Variants in GRIN2A observed in about 807,000 individuals in gnomAD.
The protein encoded by GRIN2A is glutamate ionotropic receptor NMDA type subunit 2A.
In GRIN2A, 22 loss-of-function variants were observed where a neutral mutation model predicts 113.4. That is an observed-to-expected ratio of 0.19 (90% CI 0.14 to 0.28). GRIN2A has a LOEUF of 0.28. Among genes scored for constraint, GRIN2A ranks in the 10% least tolerant of loss-of-function variants. GRIN2A has a pLI of 1.00. For synonymous variants in GRIN2A, 827 were observed against 738.4 expected (o/e 1.12, Z -1.94); for missense variants, 1,502 against 1,887.0 (o/e 0.80, Z 3.78).
In GRIN2A at chr16:9,756,243, A is replaced by C. The variant is rs17791953; in HGVS notation, c.*6906T>G. On this transcript the variant is annotated 3_prime_UTR_variant, in exon 13 of 13. Transcript: ENST00000330684. ...TGAGACATTAGGAAAGAGATATTTAAGATTAGGCACATGCTAAGTAGAGAA... is the reference window on the plus strand; with the variant it reads ...TGAGACATTAGGAAAGAGATATTTACGATTAGGCACATGCTAAGTAGAGAA... 9,421 of 227,592 alleles carry C rather than the reference A, an allele frequency of 0.041. 285 individuals carry two copies. The highest frequency in any genetic ancestry group is 0.061 in the Non-Finnish European group (7,011 of 114,344). 14.1% of individuals were successfully genotyped at this position (227,592 alleles called of 1,614,324 possible).
intron 2 of GRIN2A, among the ~76,000 whole-genome samples, chr16:10,102,454 GTATAGCCTGC>G (rs1356879709): frequency 6.6e-6 from 1 of 152,182 alleles, no homozygotes; most frequent in Admixed American, 6.5e-5. Context: ...CATGCTTCCT[GTATAGCCTGC>G]AGAACCGTGA....
At chr16:9,842,319 C>T (rs1246889489) in intron 5 of GRIN2A, among the ~76,000 whole-genome samples, 1 of 152,078 alleles carries the variant, frequency 6.6e-6, no homozygotes, top group Non-Finnish European at 1.5e-5. Context: ...GCAAAAAGTA[C>T]TTAGACAATT....
chr16:10,128,613 CAT>C (rs1336880766), intron 2 of GRIN2A, among the ~76,000 whole-genome samples: 3 of 152,214 alleles, frequency 2.0e-5, no homozygotes. Context: ...GAGCATGAAT[CAT>C]GTGTGCCTGC....
chr16:10,122,729 C>A (rs1278099889), intron 2 of GRIN2A, among the ~76,000 whole-genome samples: 1 of 152,034 alleles, frequency 6.6e-6, no homozygotes, highest in African/African-American at 2.4e-5. Flanking sequence ...CTTCTTGGGC[C>A]CCCTGCTGGA....
At chr16:9,770,557 T>C (rs1348888670) in intron 11 of GRIN2A, among the ~76,000 whole-genome samples, 1 of 152,206 alleles carries the variant, frequency 6.6e-6, no homozygotes, top group Non-Finnish European at 1.5e-5. Flanking sequence ...AATCATCTAA[T>C]TGTCGTTACT....
intron 3 of GRIN2A, among the ~76,000 whole-genome samples, chr16:9,905,831 A>G (rs2044018032): frequency 6.6e-6 from 1 of 152,222 alleles, no homozygotes; most frequent in Admixed American, 6.5e-5. Flanking sequence ...TAGGTAAGAC[A>G]CACAGACCAG....
intron 4 of GRIN2A, among the ~76,000 whole-genome samples, chr16:9,866,666 G>A (rs1207721953): frequency 6.6e-6 from 1 of 152,164 alleles, no homozygotes; most frequent in Non-Finnish European, 1.5e-5. Context: ...TACATATTTT[G>A]AAATTGTCCT....
intron 2 of GRIN2A, among the ~76,000 whole-genome samples, chr16:9,949,655 G>A (rs114004369): frequency 1.2e-4 from 18 of 151,332 alleles, no homozygotes; most frequent in African/African-American, 4.1e-4. Flanking sequence ...ATAAACAGAT[G>A]GACAGATGGA....
chr16:10,049,054 A>T (rs1308372498), intron 2 of GRIN2A, among the ~76,000 whole-genome samples: 1 of 152,158 alleles, frequency 6.6e-6, no homozygotes, highest in Non-Finnish European at 1.5e-5. Flanking sequence ...GCCAGAGGGG[A>T]GGAAAATCTA....
chr16:10,138,446 A>T (rs1427996147), intron 2 of GRIN2A, among the ~76,000 whole-genome samples: 11 of 152,156 alleles, frequency 7.2e-5, no homozygotes, highest in Admixed American at 5.9e-4. Flanking sequence ...CAGCGGAAGG[A>T]TGGGGATGGG....
At chr16:10,093,618 G>GA (rs199838522) in intron 2 of GRIN2A, among the ~76,000 whole-genome samples, 20,593 of 145,334 alleles carry the variant, frequency 0.14, 1,530 homozygotes, top group African/African-American at 0.17. Context: ...GCAACAAAGT[G>GA]AAAAAAAAAA....
At chr16:10,024,157 T>C (rs1325866739) in intron 2 of GRIN2A, among the ~76,000 whole-genome samples, 3 of 152,156 alleles carry the variant, frequency 2.0e-5, no homozygotes, top group African/African-American at 7.2e-5. Context: ...TATCTACCAG[T>C]TCATTTGGAT....
At chr16:10,177,485 G>A (rs925501755) in intron 2 of GRIN2A, among the ~76,000 whole-genome samples, 2 of 152,058 alleles carry the variant, frequency 1.3e-5, no homozygotes, top group African/African-American at 4.8e-5. Flanking sequence ...CAGGAGTATC[G>A]AATCCCCTCC....
chr16:9,964,534 T>C (rs1192577476), intron 2 of GRIN2A, among the ~76,000 whole-genome samples: 1 of 152,230 alleles, frequency 6.6e-6, no homozygotes, highest in African/African-American at 2.4e-5. Context: ...CTCGCTGGAC[T>C]AAAATCAAGG....
chr16:10,135,932 G>C (rs1439117771), intron 2 of GRIN2A, among the ~76,000 whole-genome samples: 2 of 152,148 alleles, frequency 1.3e-5, no homozygotes. Context: ...CCCCATCCAA[G>C]TTGACACAGA....
intron 3 of GRIN2A, among the ~76,000 whole-genome samples, chr16:9,898,054 C>CTT (rs71402414): frequency 0.17 from 18,623 of 109,554 alleles, 1,797 homozygotes; most frequent in Middle Eastern, 0.25. Flanking sequence ...CCTCCATTTC[C>CTT]TTTTTTTTTT....
chr16:10,177,600 C>T (rs1450299238), intron 2 of GRIN2A, among the ~76,000 whole-genome samples: 1 of 152,164 alleles, frequency 6.6e-6, no homozygotes, highest in African/African-American at 2.4e-5. Flanking sequence ...TTCCTCTTGC[C>T]CTTTCCTGAT....
At position 9,829,849 on chromosome 16, in the gene GRIN2A, A is replaced by G. The variant is rs114564589; in HGVS notation, c.1778-197T>C. Among the ~76,000 whole-genome samples the G allele has an allele frequency of 8.4e-3, 1,277 of 152,114 alleles. 22 individuals are homozygous for G. Among genetic ancestry groups the G allele is most frequent in the African/African-American group, 0.029 (1,207 of 41,416 alleles). On this transcript the variant is annotated intron_variant, in intron 8 of 12. Coordinates refer to ENST00000330684, the MANE Select transcript of GRIN2A (RefSeq NM_001134407.3). ...AAATTAGCATTCTTCTCACATTTCT[A>G]TCTAACTGGATTTTTGCCACATTTC...
At chr16:9,818,440 C>T (rs1449637712) in intron 10 of GRIN2A, among the ~76,000 whole-genome samples, 1 of 150,874 alleles carries the variant, frequency 6.6e-6, no homozygotes, top group African/African-American at 2.4e-5. Flanking sequence ...AATTCAACAG[C>T]CATAAGCAAA....
Sources: allele counts gnomAD v4.1 joint callset (sites outside exome capture counted in the v4.1 genomes callset), GRCh38; gene constraint gnomAD v4.1.1; transcripts MANE v1.5; gene names NCBI Gene and HGNC (gene_info 2026-07-23, HGNC 2026-07-21).